HEMK2: variants seen among roughly 807,000 people sequenced by gnomAD.
HEMK2 encodes the protein HemK methyltransferase 2, ETF1 glutamine and histone H4 lysine.
At chr21:28,836,446 G>A in the HEMK2 span, among the ~76,000 whole-genome samples, 2 of 151,598 alleles carry the variant, frequency 1.3e-5, no homozygotes, top group Admixed American at 6.6e-5. Context: ...AAGAGAATTC[G>A]CCATTACCAA....
chr21:28,842,012 T>G, the HEMK2 span, among the ~76,000 whole-genome samples: 1 of 152,152 alleles, frequency 6.6e-6, no homozygotes, highest in Admixed American at 6.6e-5. Flanking sequence ...CTGATTTTGC[T>G]GTATATCTTT....
chr21:28,785,034 G>A, the HEMK2 span, among the ~76,000 whole-genome samples: 7 of 152,096 alleles, frequency 4.6e-5, no homozygotes, highest in African/African-American at 1.4e-4. Flanking sequence ...CAGGAGGAAC[G>A]AACAACTCCA....
the HEMK2 span, among the ~76,000 whole-genome samples, chr21:28,629,926 C>CT: frequency 0.031 from 4,605 of 146,818 alleles, 87 homozygotes; most frequent in South Asian, 0.06. Context: ...TGCTCAGTTT[C>CT]TTTTTTTTTT....
At chr21:28,870,972 C>T in the HEMK2 span, among the ~76,000 whole-genome samples, 1 of 152,136 alleles carries the variant, frequency 6.6e-6, no homozygotes, top group Non-Finnish European at 1.5e-5. Flanking sequence ...TCTATTATAT[C>T]AAATTCACTG....
the HEMK2 span, chr21:28,577,410 T>C: frequency 6.6e-6 from 1 of 152,202 alleles, no homozygotes. Flanking sequence ...AAATATACCA[T>C]GTTTCATGAA....
At chr21:28,865,148 T>TA in the HEMK2 span, among the ~76,000 whole-genome samples, 8 of 152,132 alleles carry the variant, frequency 5.3e-5, no homozygotes, top group African/African-American at 1.9e-4. Context: ...AGTGATCTTT[T>TA]AGTTTTTCTT....
At chr21:28,586,012 T>C in the HEMK2 span, among the ~76,000 whole-genome samples, 1 of 152,342 alleles carries the variant, frequency 6.6e-6, no homozygotes, top group East Asian at 1.9e-4. Flanking sequence ...GATGCACATA[T>C]TATTTATAAC....
chr21:28,636,427 T>C, the HEMK2 span, among the ~76,000 whole-genome samples: 1 of 152,148 alleles, frequency 6.6e-6, no homozygotes, highest in Admixed American at 6.6e-5. Flanking sequence ...AAAACAGACA[T>C]CTTATCACTT....
chr21:28,834,983 C>T, the HEMK2 span, among the ~76,000 whole-genome samples: 51 of 152,222 alleles, frequency 3.4e-4, 1 homozygote, highest in East Asian at 6.0e-3. Context: ...ACAGTAGCTG[C>T]AGCAAGACCC....
the HEMK2 span, among the ~76,000 whole-genome samples, chr21:28,831,574 A>AAAGAAGGAAAGAAG: frequency 2.4e-5 from 1 of 40,860 alleles, no homozygotes. Flanking sequence ...AAGGAAAGAA[A>AAAGAAGGAAAGAAG]GAAAGAAGGA....
chr21:28,844,267 G>A, the HEMK2 span, among the ~76,000 whole-genome samples: 24 of 151,986 alleles, frequency 1.6e-4, no homozygotes, highest in Non-Finnish European at 3.1e-4. Context: ...TTCTTTCAAA[G>A]CAGAGAAGCT....
the HEMK2 span, among the ~76,000 whole-genome samples, chr21:28,831,745 A>T: frequency 3.4e-5 from 5 of 148,154 alleles, no homozygotes; most frequent in Admixed American, 2.0e-4. Flanking sequence ...GAAAGAAAGA[A>T]AGAAAGAAAG....
chr21:28,742,062 C>T, the HEMK2 span, among the ~76,000 whole-genome samples: 1 of 152,138 alleles, frequency 6.6e-6, no homozygotes, highest in Non-Finnish European at 1.5e-5. Flanking sequence ...CCAAATCTGC[C>T]ACCTGTTTTT....
the HEMK2 span, among the ~76,000 whole-genome samples, chr21:28,751,451 A>G: frequency 6.6e-6 from 1 of 152,144 alleles, no homozygotes; most frequent in Non-Finnish European, 1.5e-5. Context: ...TAAACAGAGG[A>G]AGATTAATGT....
At chr21:28,596,590 T>G in the HEMK2 span, among the ~76,000 whole-genome samples, 1 of 152,222 alleles carries the variant, frequency 6.6e-6, no homozygotes, top group Non-Finnish European at 1.5e-5. Flanking sequence ...ATTCAGAATA[T>G]TCACATTATC....
chr21:28,672,789 G>C, the HEMK2 span, among the ~76,000 whole-genome samples: 17 of 152,004 alleles, frequency 1.1e-4, no homozygotes, highest in Non-Finnish European at 5.9e-5. Context: ...TTCTTGACTT[G>C]TTTTAATTTA....
chr21:28,782,095 T>A, the HEMK2 span, among the ~76,000 whole-genome samples: 3 of 152,230 alleles, frequency 2.0e-5, no homozygotes, highest in Admixed American at 6.5e-5. Context: ...AACATAAGCA[T>A]GAATCACATT....
the HEMK2 span, among the ~76,000 whole-genome samples, chr21:28,620,865 G>A: frequency 6.6e-6 from 1 of 151,252 alleles, no homozygotes; most frequent in African/African-American, 2.4e-5. Flanking sequence ...GTAGAGACAG[G>A]GTTTCACCAT....
the HEMK2 span, among the ~76,000 whole-genome samples, chr21:28,581,525 T>C: frequency 1.3e-5 from 2 of 152,140 alleles, no homozygotes; most frequent in African/African-American, 2.4e-5. Context: ...TCAAGGGCAA[T>C]GTCACTCACT....
Sources: allele counts gnomAD v4.1 joint callset (sites outside exome capture counted in the v4.1 genomes callset), GRCh38; gene constraint gnomAD v4.1.1; transcripts MANE v1.5; gene names NCBI Gene and HGNC (gene_info 2026-07-23, HGNC 2026-07-21).